NRXN3: variants seen among roughly 807,000 people sequenced by gnomAD.
The protein encoded by NRXN3 is neurexin 3.
In NRXN3, 32 loss-of-function variants were observed where a neutral mutation model predicts 137.6. That is an observed-to-expected ratio of 0.23 (90% CI 0.18 to 0.31). The LOEUF (loss-of-function observed/expected upper bound fraction) is 0.31, where lower values mean the gene tolerates loss of function less well. Among genes scored for constraint, NRXN3 ranks in the 10% least tolerant of loss-of-function variants. The pLI is 1.00. For synonymous variants in NRXN3, 798 were observed against 784.5 expected (o/e 1.02, Z -0.29); for missense variants, 1,574 against 2,062.5 (o/e 0.76, Z 4.59).
intron 1 of NRXN3, among the ~76,000 whole-genome samples, chr14:78,178,157 G>T (rs892720018): frequency 6.6e-6 from 1 of 152,188 alleles, no homozygotes; most frequent in Non-Finnish European, 1.5e-5. Context: ...AACCCAAAGG[G>T]CCTGGCTCTG....
intron 16 of NRXN3, among the ~76,000 whole-genome samples, chr14:79,499,956 C>CTTGTGTGTGTGT (rs60538373): frequency 5.5e-5 from 8 of 145,234 alleles, no homozygotes; most frequent in African/African-American, 2.0e-4. Flanking sequence ...ATCTTAGGGT[C>CTTGTGTGTGTGT]GTGTGTGTGT....
intron 4 of NRXN3, among the ~76,000 whole-genome samples, chr14:78,306,680 G>A (rs986980): frequency 0.65 from 98,587 of 152,022 alleles, 33,716 homozygotes; most frequent in African/African-American, 0.88. Context: ...GTGTTTTTAT[G>A]TGTAGTTGCC....
chr14:78,768,582 G>A (rs28548451), intron 8 of NRXN3, among the ~76,000 whole-genome samples: 43,056 of 151,952 alleles, frequency 0.28, 8,471 homozygotes, highest in African/African-American at 0.56. Context: ...GAAAAGATAT[G>A]TACATCTATT....
At chr14:78,980,882 A>T (rs39601) in intron 14 of NRXN3, among the ~76,000 whole-genome samples, 24,406 of 152,138 alleles carry the variant, frequency 0.16, 2,532 homozygotes, top group African/African-American at 0.28. Context: ...TCTCAAAGGG[A>T]TATGTGACTA....
At chr14:79,504,148 G>A (rs966620655) in intron 16 of NRXN3, among the ~76,000 whole-genome samples, 5 of 152,136 alleles carry the variant, frequency 3.3e-5, no homozygotes, top group Non-Finnish European at 1.5e-5. Context: ...TCTCTGAAGT[G>A]ATTCTGAACT....
chr14:78,577,527 A>G (rs2096948950), intron 4 of NRXN3, among the ~76,000 whole-genome samples: 1 of 152,004 alleles, frequency 6.6e-6, no homozygotes, highest in Non-Finnish European at 1.5e-5. Flanking sequence ...GTGCAATGGC[A>G]CGATCCCTGC....
At chr14:79,703,092 C>T (rs1206775583) in intron 19 of NRXN3, among the ~76,000 whole-genome samples, 1 of 152,104 alleles carries the variant, frequency 6.6e-6, no homozygotes, top group Non-Finnish European at 1.5e-5. Context: ...TCACAATGCT[C>T]AGCATGGATT....
chr14:78,509,105 A>G (rs983084870), intron 4 of NRXN3, among the ~76,000 whole-genome samples: 16 of 152,190 alleles, frequency 1.1e-4, no homozygotes, highest in Admixed American at 1.0e-3. Context: ...TTTGAGACCA[A>G]CCTGGCCAAC....
At chr14:78,208,696 C>A (rs1034303628) in intron 1 of NRXN3, among the ~76,000 whole-genome samples, 6 of 152,150 alleles carry the variant, frequency 3.9e-5, no homozygotes, top group Admixed American at 2.0e-4. Flanking sequence ...AGTTACTTAA[C>A]CTCTCTGAGC....
chr14:78,961,571 G>A (rs1597935098), intron 11 of NRXN3, among the ~76,000 whole-genome samples: 1 of 152,196 alleles, frequency 6.6e-6, no homozygotes, highest in Non-Finnish European at 1.5e-5. Flanking sequence ...ATTAGTAATA[G>A]CGCACGGTTT....
intron 1 of NRXN3, among the ~76,000 whole-genome samples, chr14:78,214,916 T>A (rs1043750206): frequency 6.6e-6 from 1 of 152,216 alleles, no homozygotes; most frequent in Admixed American, 6.5e-5. Context: ...GGGTTCCATA[T>A]GGGCTGTCTT....
At chr14:79,299,397 G>C (rs1350422450) in intron 15 of NRXN3, among the ~76,000 whole-genome samples, 1 of 152,008 alleles carries the variant, frequency 6.6e-6, no homozygotes, top group Non-Finnish European at 1.5e-5. Flanking sequence ...AACATTTCCA[G>C]CTTTGCAAGC....
At chr14:78,965,950 C>CA in intron 11 of NRXN3, 75 bp from the exon 12 acceptor site, 1 of 1,517,976 alleles carries the variant, frequency 6.6e-7, no homozygotes, top group Non-Finnish European at 8.9e-7. Flanking sequence ...AGGTTACACC[C>CA]AAAAAATATA....
intron 15 of NRXN3, among the ~76,000 whole-genome samples, chr14:79,183,979 A>G (rs985117274): frequency 1.3e-5 from 2 of 152,182 alleles, no homozygotes; most frequent in African/African-American, 4.8e-5. Flanking sequence ...GAGTCTTTCC[A>G]CAATTCAAAG....
intron 2 of NRXN3, chr14:78,249,952 C>T (rs2068328344): frequency 3.0e-6 from 1 of 338,312 alleles, no homozygotes; most frequent in Non-Finnish European, 5.8e-6. Context: ...TTTGAAGCTT[C>T]AGTATCTTCT....
Position 79,376,255 on chromosome 14 carries a change from T to C in NRXN3, c.3263-90966T>C, listed in dbSNP as rs12896134. On this transcript the variant is annotated intron_variant, in intron 15 of 20. Coordinates refer to ENST00000335750, the MANE Select transcript of NRXN3 (RefSeq NM_001330195.2). ...ATATATATATATATATATATATATA[T>C]ATATATATATACACATACATATGAC... Among the ~76,000 whole-genome samples the C allele has an allele frequency of 7.6e-3, 364 of 47,996 alleles. 2 individuals are homozygous for C. The highest frequency in any genetic ancestry group is 0.014 in the African/African-American group (211 of 15,616). The allele number at this position is 47,996 out of a possible 152,430, so 31.5% of individuals were successfully genotyped here. A position where few individuals can be genotyped will look rare whatever the true frequency, so the allele number is the denominator to read the frequency against.
chr14:78,797,083 T>G (rs893829343), intron 8 of NRXN3, among the ~76,000 whole-genome samples: 2 of 152,114 alleles, frequency 1.3e-5, no homozygotes, highest in Non-Finnish European at 2.9e-5. Context: ...ATTTGATCAA[T>G]AAGTTACTTA....
At chr14:79,858,786 A>G (rs2099408158) in intron 20 of NRXN3, among the ~76,000 whole-genome samples, 1 of 152,038 alleles carries the variant, frequency 6.6e-6, no homozygotes, top group Non-Finnish European at 1.5e-5. Context: ...CCTCTTTCAT[A>G]TATCACCTTA....
chr14:79,110,776 T>TTATC (rs1251065819), intron 15 of NRXN3, among the ~76,000 whole-genome samples: 1 of 147,132 alleles, frequency 6.8e-6, no homozygotes, highest in African/African-American at 2.5e-5. Flanking sequence ...ATTTATTTAT[T>TTATC]TATTTATTTA....
Sources: allele counts gnomAD v4.1 joint callset (sites outside exome capture counted in the v4.1 genomes callset), GRCh38; gene constraint gnomAD v4.1.1; transcripts MANE v1.5; gene names NCBI Gene and HGNC (gene_info 2026-07-23, HGNC 2026-07-21).